PPARGC1A: variants seen among roughly 807,000 people sequenced by gnomAD.
PPARGC1A encodes the protein peroxisome proliferator-activated receptor gamma coactivator 1-alpha.
A neutral mutation model predicts 88.7 loss-of-function variants in PPARGC1A; 25 were observed. The observed-to-expected ratio is 0.28, with a 90% CI of 0.21 to 0.39. The LOEUF is 0.39. Among genes scored for constraint, PPARGC1A ranks in the 10% least tolerant of loss-of-function variants. The pLI is 1.00. For synonymous variants in PPARGC1A, 363 were observed against 355.6 expected (o/e 1.02, Z -0.24); for missense variants, 880 against 968.7 (o/e 0.91, Z 1.22).
chr4:24,164,164 T>G, the PPARGC1A span, among the ~76,000 whole-genome samples: 1 of 152,180 alleles, frequency 6.6e-6, no homozygotes, highest in Non-Finnish European at 1.5e-5. Flanking sequence ...GAAAGGCAAA[T>G]AAACTGACTT....
At chr4:24,278,522 C>A in the PPARGC1A span, among the ~76,000 whole-genome samples, 2 of 152,174 alleles carry the variant, frequency 1.3e-5, no homozygotes, top group South Asian at 2.1e-4. Flanking sequence ...TAAGGCTACA[C>A]ACAAGAAAAA....
At chr4:24,223,148 G>A in the PPARGC1A span, among the ~76,000 whole-genome samples, 1 of 151,820 alleles carries the variant, frequency 6.6e-6, no homozygotes, top group Non-Finnish European at 1.5e-5. Flanking sequence ...AAAGATGAAA[G>A]CTATAGGCAC....
At chr4:24,330,594 C>A in the PPARGC1A span, among the ~76,000 whole-genome samples, 2,587 of 152,264 alleles carry the variant, frequency 0.017, 68 homozygotes, top group East Asian at 0.12. Flanking sequence ...CCCCAGTTAA[C>A]CCCCAAAATT....
intron 10 of PPARGC1A, among the ~76,000 whole-genome samples, chr4:23,811,697 C>T (rs1227791347): frequency 6.6e-6 from 1 of 152,072 alleles, no homozygotes; most frequent in East Asian, 1.9e-4. Context: ...GACTGATCTT[C>T]AGACAGCAAA....
At chr4:23,910,337 TATATTATATATTA>T in the PPARGC1A span, among the ~76,000 whole-genome samples, 34 of 63,066 alleles carry the variant, frequency 5.4e-4, 1 homozygote, top group East Asian at 0.02. Flanking sequence ...ATATATTATA[TATATTATATATTA>T]TATATATTAT....
the PPARGC1A span, among the ~76,000 whole-genome samples, chr4:24,155,281 A>G: frequency 2.0e-5 from 3 of 151,978 alleles, no homozygotes; most frequent in Non-Finnish European, 4.4e-5. Flanking sequence ...CAATCTGTGA[A>G]GTATTTATAA....
chr4:23,938,398 A>C, the PPARGC1A span, among the ~76,000 whole-genome samples: 1 of 152,208 alleles, frequency 6.6e-6, no homozygotes, highest in African/African-American at 2.4e-5. Flanking sequence ...TTCTTTCATT[A>C]AATGATTGCA....
At chr4:24,141,790 G>C in the PPARGC1A span, among the ~76,000 whole-genome samples, 1 of 152,110 alleles carries the variant, frequency 6.6e-6, no homozygotes, top group African/African-American at 2.4e-5. Context: ...CTCCCTTCAG[G>C]ATCTAAAGAT....
At chr4:24,073,141 A>G in the PPARGC1A span, among the ~76,000 whole-genome samples, 3 of 152,128 alleles carry the variant, frequency 2.0e-5, no homozygotes, top group African/African-American at 7.2e-5. Flanking sequence ...TCCCAGGTTC[A>G]ATCTATTATC....
intron 2 of PPARGC1A, among the ~76,000 whole-genome samples, chr4:23,876,620 TCCTC>T (rs1240949704): frequency 5.3e-5 from 8 of 152,056 alleles, no homozygotes. Flanking sequence ...TGAGTCTCCT[TCCTC>T]CTCTCTGCCC....
the PPARGC1A span, among the ~76,000 whole-genome samples, chr4:24,455,914 A>G: frequency 6.6e-6 from 1 of 152,238 alleles, no homozygotes; most frequent in Admixed American, 6.5e-5. Context: ...ATTCTGTTAT[A>G]GCAACACAAA....
At chr4:23,942,600 C>T in the PPARGC1A span, among the ~76,000 whole-genome samples, 13 of 152,278 alleles carry the variant, frequency 8.5e-5, no homozygotes, top group South Asian at 2.7e-3. Context: ...CACCATATCC[C>T]ATTAAGCACT....
chr4:24,443,578 CAG>C, the PPARGC1A span, among the ~76,000 whole-genome samples: 2 of 150,892 alleles, frequency 1.3e-5, no homozygotes, highest in African/African-American at 2.4e-5. Flanking sequence ...TTTATTGAGA[CAG>C]AGTCTTGCTC....
At chr4:23,822,608 A>G (rs570761825) in intron 7 of PPARGC1A, among the ~76,000 whole-genome samples, 1 of 152,180 alleles carries the variant, frequency 6.6e-6, no homozygotes, top group South Asian at 2.1e-4. Flanking sequence ...ACAATCTTCA[A>G]ACACTACTAA....
At chr4:24,259,245 A>T in the PPARGC1A span, among the ~76,000 whole-genome samples, 1 of 152,212 alleles carries the variant, frequency 6.6e-6, no homozygotes, top group Non-Finnish European at 1.5e-5. Context: ...TGTGAGGGTC[A>T]CAATCTCTCA....
chr4:24,099,995 A>T, the PPARGC1A span, among the ~76,000 whole-genome samples: 1 of 136,454 alleles, frequency 7.3e-6, no homozygotes, highest in Non-Finnish European at 1.6e-5. Flanking sequence ...GGGGGGAGGG[A>T]TAGCACTAGG....
chr4:24,222,196 G>A, the PPARGC1A span, among the ~76,000 whole-genome samples: 7 of 152,214 alleles, frequency 4.6e-5, no homozygotes, highest in African/African-American at 1.7e-4. Context: ...CCTAGAGGCA[G>A]AGTGAAGCTC....
chr4:23,839,604 A>T (rs999118708), intron 2 of PPARGC1A, among the ~76,000 whole-genome samples: 1 of 152,160 alleles, frequency 6.6e-6, no homozygotes, highest in Admixed American at 6.5e-5. Context: ...TGCATTGCAT[A>T]GTCTCGAATG....
At chr4:23,936,184 A>T in the PPARGC1A span, among the ~76,000 whole-genome samples, 2 of 152,238 alleles carry the variant, frequency 1.3e-5, no homozygotes, top group African/African-American at 4.8e-5. Context: ...AGTAAGATGT[A>T]TTGAATGCCT....
Sources: gnomAD v4.1 joint callset for allele counts (sites outside exome capture counted in the v4.1 genomes callset) on GRCh38, gnomAD v4.1.1 for gene constraint, MANE v1.5 for transcripts, NCBI Gene and HGNC (gene_info 2026-07-23, HGNC 2026-07-21) for gene names.